The following CALCR variants were observed in gnomAD, a reference collection of about 807,000 sequenced individuals.
CALCR encodes calcitonin receptor.
Under a neutral mutation model 59.5 loss-of-function variants are expected in CALCR, and 47 were observed. That is an observed-to-expected ratio of 0.79 (90% CI 0.63 to 1.01). CALCR has a LOEUF of 1.01. Ranked by LOEUF, CALCR falls within the 50% of genes least tolerant of loss-of-function variation. The probability of loss-of-function intolerance (pLI) is 0.00; values close to 1 mark genes in which losing one functional copy is unlikely to be tolerated. For missense variants in CALCR, 566 were observed against 597.1 expected (o/e 0.95, Z 0.54); for synonymous variants, 213 against 211.3 (o/e 1.01, Z -0.07).
chr7:93,451,202 A>G (rs923844312), intron 8 of CALCR, among the ~76,000 whole-genome samples: 1 of 152,026 alleles, frequency 6.6e-6, no homozygotes, highest in African/African-American at 2.4e-5. Context: ...ACATTTTTAA[A>G]TTATTTACAC....
chr7:93,491,397 T>C (rs908115357), intron 2 of CALCR, among the ~76,000 whole-genome samples: 4 of 151,946 alleles, frequency 2.6e-5, no homozygotes, highest in East Asian at 3.9e-4. Flanking sequence ...AAAGCCAAAA[T>C]TGACAAATGG....
intron 2 of CALCR, among the ~76,000 whole-genome samples, chr7:93,546,492 C>T (rs542580595): frequency 2.8e-4 from 42 of 152,030 alleles, no homozygotes; most frequent in African/African-American, 9.7e-4. Flanking sequence ...ACTGTCTGGC[C>T]GCAGAGCCTG....
intron 2 of CALCR, among the ~76,000 whole-genome samples, chr7:93,565,441 C>G (rs1195298308): frequency 4.6e-5 from 7 of 152,110 alleles, no homozygotes; most frequent in Non-Finnish European, 1.0e-4. Flanking sequence ...ATTTTAGTAG[C>G]TGAGAAGAAA....
chr7:93,537,906 G>A (rs1038528537), intron 2 of CALCR, among the ~76,000 whole-genome samples: 3 of 151,778 alleles, frequency 2.0e-5, no homozygotes, highest in Non-Finnish European at 2.9e-5. Context: ...GTATTTTATG[G>A]TATCCCATTC....
At chr7:93,434,147 G>T in intron 13 of CALCR, 106 bp downstream of exon 13, 1 of 804,742 alleles carries the variant, frequency 1.2e-6, no homozygotes, top group Non-Finnish European at 2.2e-6. Context: ...AACCCTATGA[G>T]GTCAACTGTA....
intron 2 of CALCR, among the ~76,000 whole-genome samples, chr7:93,573,822 T>C (rs1790056574): frequency 6.6e-6 from 1 of 152,240 alleles, no homozygotes; most frequent in South Asian, 2.1e-4. Flanking sequence ...CTGTAAAACA[T>C]GACTTAACAA....
At chr7:93,542,512 A>G (rs1789170976) in intron 2 of CALCR, among the ~76,000 whole-genome samples, 1 of 152,168 alleles carries the variant, frequency 6.6e-6, no homozygotes, top group African/African-American at 2.4e-5. Flanking sequence ...ACTGTACACT[A>G]TGTAGACTTT....
At chr7:93,484,443 ACTC>A (rs1327917507) in intron 3 of CALCR, among the ~76,000 whole-genome samples, 1 of 151,718 alleles carries the variant, frequency 6.6e-6, no homozygotes, top group Non-Finnish European at 1.5e-5. Flanking sequence ...ATGCAAAACT[ACTC>A]TAAAAAGTAT....
At chr7:93,519,510 A>G (rs7811594) in intron 2 of CALCR, among the ~76,000 whole-genome samples, 20,884 of 152,028 alleles carry the variant, frequency 0.14, 2,107 homozygotes, top group East Asian at 0.29. Context: ...TTAGATAAAT[A>G]CATATAAAAT....
At chr7:93,546,571 C>CTTTTCTTTTTT (rs1789292012) in intron 2 of CALCR, among the ~76,000 whole-genome samples, 1 of 149,568 alleles carries the variant, frequency 6.7e-6, no homozygotes, top group Admixed American at 6.6e-5. Flanking sequence ...TTTTCTTTTT[C>CTTTTCTTTTTT]TTTTCTTTTT....
intron 2 of CALCR, among the ~76,000 whole-genome samples, chr7:93,527,353 G>T (rs1788684179): frequency 6.6e-6 from 1 of 151,376 alleles, no homozygotes; most frequent in Non-Finnish European, 1.5e-5. Flanking sequence ...TCACTGAAAA[G>T]CATAAATGTA....
rs565712734 is a variant in CALCR, at chr7:93,426,264, G to A, written c.*92C>T. 69 of 747,516 alleles carry A rather than the reference G, an allele frequency of 9.2e-5. No homozygotes were observed. Among genetic ancestry groups the A allele is most frequent in the Non-Finnish European group, 1.4e-4 (57 of 416,508 alleles). 46.3% of individuals were successfully genotyped at this position (747,516 alleles called of 1,614,324 possible). ...ATAATTCTTCACAAATGATATGTTCGGTTCCTGGGAGGATGGAGAATACTT... is the reference window on the plus strand; with the variant it reads ...ATAATTCTTCACAAATGATATGTTCAGTTCCTGGGAGGATGGAGAATACTT... On this transcript the variant is annotated 3_prime_UTR_variant, in exon 14 of 14. Transcript: ENST00000426151.
intron 2 of CALCR, among the ~76,000 whole-genome samples, chr7:93,497,785 A>C (rs1463715315): frequency 6.6e-6 from 1 of 151,532 alleles, no homozygotes; most frequent in Admixed American, 6.6e-5. Context: ...TCTCTATTAT[A>C]TCTATTTATC....
Position 93,436,683 on chromosome 7 carries a change from A to G in CALCR, c.931-513T>C, listed in dbSNP as rs1307404055. On this transcript the variant is annotated intron_variant, in intron 11 of 13. Coordinates refer to ENST00000426151, the MANE Select transcript of CALCR (RefSeq NM_001742.4). Reference sequence around the variant, plus strand: ...GTGCCTTTTGTATCCTGCTTTAGAAATCTTTCTGTATCTGAAGCTCATGAA... The same window carrying G: ...GTGCCTTTTGTATCCTGCTTTAGAAGTCTTTCTGTATCTGAAGCTCATGAA... Among the ~76,000 whole-genome samples the G allele has an allele frequency of 4.6e-4, 70 of 152,082 alleles. 1 individual carries two copies. The highest frequency in any genetic ancestry group is 7.4e-5 in the Non-Finnish European group (5 of 68,016).
intron 2 of CALCR, among the ~76,000 whole-genome samples, chr7:93,525,832 G>A (rs1182011254): frequency 6.6e-6 from 1 of 152,116 alleles, no homozygotes; most frequent in Non-Finnish European, 1.5e-5. Flanking sequence ...TTTGTATTAA[G>A]TTAATTTAAA....
At position 93,479,449 on chromosome 7, in the gene CALCR, T is replaced by G. The variant is rs765547151; in HGVS notation, c.110A>C (p.Lys37Thr). 6.2e-6 allele frequency: 10 copies of G among 1,612,654 alleles called. No individual in the cohort carries two copies. Among genetic ancestry groups the G allele is most frequent in the Non-Finnish European group, 8.5e-6 (10 of 1,179,098 alleles). Residue 37 changes from lysine (K) to threonine (T), a missense_variant, in exon 4 of 14, where the codon AAG becomes ACG. Coordinates refer to ENST00000426151, the MANE Select transcript of CALCR (RefSeq NM_001742.4). ...SNQTYPTIEP[K>T]PFLYVVGRKK... is the part of the protein sequence containing the mutation. ...TCGTCCTACGACGTAAAGAAATGGC[T>G]TGGGCTCTATTGTTGGATAGGTTTG...
At position 93,513,326 on chromosome 7, in the gene CALCR, T is replaced by A. The variant is rs576241061; in HGVS notation, c.-26-26319A>T. Among the ~76,000 whole-genome samples the A allele has an allele frequency of 3.9e-5, 6 of 152,294 alleles. No homozygotes were observed. The East Asian group carries it at 9.6e-4, about 24-fold the overall frequency. On this transcript the variant is annotated intron_variant, in intron 2 of 13. Transcript: ENST00000426151. The stretch of plus-strand genomic sequence containing the variant: ...TAAATGTTTTAAATGAAAAAGATCT[T>A]TCTAATAACATCTGCTATTAAAAGA...
At chr7:93,520,451 T>A (rs993128088) in intron 2 of CALCR, among the ~76,000 whole-genome samples, 1 of 152,182 alleles carries the variant, frequency 6.6e-6, no homozygotes, top group African/African-American at 2.4e-5. Flanking sequence ...ATATTTTCCA[T>A]TTGTTGCATC....
chr7:93,516,608 C>A (rs1041400389), intron 2 of CALCR, among the ~76,000 whole-genome samples: 1 of 151,794 alleles, frequency 6.6e-6, no homozygotes, highest in Non-Finnish European at 1.5e-5. Context: ...GGCTAGGAAC[C>A]ATTATGGCCA....
Sources: allele counts gnomAD v4.1 joint callset (sites outside exome capture counted in the v4.1 genomes callset), GRCh38; gene constraint gnomAD v4.1.1; transcripts MANE v1.5; gene names NCBI Gene and HGNC (gene_info 2026-07-23, HGNC 2026-07-21).